CSNK1G3: variants seen among roughly 807,000 people sequenced by gnomAD.
CSNK1G3 encodes the protein casein kinase I isoform gamma-3.
A neutral mutation model predicts 64.3 loss-of-function variants in CSNK1G3; 23 were observed. The ratio of observed to expected loss-of-function variants is 0.36; its 90% CI spans 0.26 to 0.51. The LOEUF is 0.51. Among genes scored for constraint, CSNK1G3 ranks in the 20% least tolerant of loss-of-function variants. The pLI is 0.96. For missense variants in CSNK1G3, 357 were observed against 510.5 expected, an observed-to-expected ratio of 0.70 and a Z score of 2.90; for synonymous variants, 158 against 162.2, an observed-to-expected ratio of 0.97 and a Z score of 0.20.
chr5:123,591,235 C>T lies in CSNK1G3; in HGVS notation c.991-84C>T. ...TTATTTAACAGTCTTTTGTTTTTTT[C>T]CTTAATTCTTTTAAGCAGCTAAATG... On this transcript the variant is annotated intron_variant, in intron 9 of 12. Transcript: ENST00000345990. The T allele has an allele frequency of 6.8e-6, 5 of 735,470 alleles. No individual in the cohort carries two copies. In the East Asian group the frequency reaches 1.3e-4, roughly 19 times the overall value. The allele number at this position is 735,470 out of a possible 1,614,324, so 45.6% of individuals were successfully genotyped here. A position where few individuals can be genotyped will look rare whatever the true frequency, so the allele number is the denominator to read the frequency against.
intron 4 of CSNK1G3, among the ~76,000 whole-genome samples, chr5:123,568,871 A>G (rs1022395183): frequency 2.0e-5 from 3 of 152,230 alleles, no homozygotes; most frequent in East Asian, 1.9e-4. Context: ...CATCATTTCC[A>G]TAGTCTAAAG....
rs1006197750 is a variant in CSNK1G3 at position 123,512,991 on chromosome 5, T to C, written c.-248+421T>C. ...CTTGACTGTGTCCAGACAATTACCT[T>C]TGGAGTAGGGGCTTCAGGCAGGAAG... On this transcript the variant is annotated intron_variant, in intron 1 of 12. Transcript: ENST00000345990. 2.0e-5 allele frequency among the ~76,000 whole-genome samples: 3 copies of C among 151,594 alleles called. No individual in the cohort carries two copies. The South Asian group carries it at 6.3e-4, about 32-fold the overall frequency.
At position 123,605,266 on chromosome 5, in the gene CSNK1G3, T is replaced by A. The variant is rs1795154930; in HGVS notation, c.1194-73T>A. 1.9e-5 allele frequency: 26 copies of A among 1,343,086 alleles called. No individual in the cohort carries two copies. The South Asian group carries it at 3.3e-4, about 17-fold the overall frequency. The allele number at this position is 1,343,086 out of a possible 1,614,324, so 83.2% of individuals were successfully genotyped here. A position where few individuals can be genotyped will look rare whatever the true frequency, so the allele number is the denominator to read the frequency against. ...AAGCATGAAAAACAATGTGATAATT[T>A]CAATGTGAGCTGTTTCTGATTCTCT... On this transcript the variant is annotated intron_variant, in intron 11 of 12. Transcript: ENST00000345990.
chr5:123,537,104 A>G (rs369732948), intron 1 of CSNK1G3, among the ~76,000 whole-genome samples: 1 of 152,336 alleles, frequency 6.6e-6, no homozygotes, highest in South Asian at 2.1e-4. Flanking sequence ...CCAAAGGAAG[A>G]GAAATCCACA....
chr5:123,531,739 A>T (rs1453363525), intron 1 of CSNK1G3, among the ~76,000 whole-genome samples: 2 of 151,992 alleles, frequency 1.3e-5, no homozygotes, highest in East Asian at 3.8e-4. Flanking sequence ...TTATTCACAC[A>T]TGTAGTTTTA....
At chr5:123,587,533 G>T (rs1026770875) in intron 6 of CSNK1G3, among the ~76,000 whole-genome samples, 1 of 152,120 alleles carries the variant, frequency 6.6e-6, no homozygotes, top group Non-Finnish European at 1.5e-5. Flanking sequence ...TAGTGAAGGG[G>T]TTATTAATGT....
chr5:123,514,922 G>C (rs1776875989), intron 1 of CSNK1G3, among the ~76,000 whole-genome samples: 1 of 152,160 alleles, frequency 6.6e-6, no homozygotes, highest in Non-Finnish European at 1.5e-5. Context: ...CAAATGTACA[G>C]ATCGTAGGCT....
At chr5:123,520,278 A>C (rs1777876569) in intron 1 of CSNK1G3, among the ~76,000 whole-genome samples, 1 of 152,184 alleles carries the variant, frequency 6.6e-6, no homozygotes, top group East Asian at 1.9e-4. Context: ...ACATGTATAC[A>C]TAGATACATA....
chr5:123,534,186 A>T (rs985658344), intron 1 of CSNK1G3, among the ~76,000 whole-genome samples: 1 of 152,130 alleles, frequency 6.6e-6, no homozygotes, highest in African/African-American at 2.4e-5. Context: ...ATAAAACTGC[A>T]TATTATATAA....
intron 10 of CSNK1G3, among the ~76,000 whole-genome samples, chr5:123,596,135 C>T (rs1480358633): frequency 1.3e-5 from 2 of 151,442 alleles, no homozygotes; most frequent in Admixed American, 6.6e-5. Context: ...TCTTATGAGC[C>T]CTCACGTTTT....
At chr5:123,573,675 A>C in intron 5 of CSNK1G3, 134 bp downstream of exon 5, 1 of 672,550 alleles carries the variant, frequency 1.5e-6, no homozygotes, top group South Asian at 3.0e-5. Flanking sequence ...TCTACTTTTC[A>C]TGTTGTCTTT....
At chr5:123,567,229 T>C (rs747960128) in intron 4 of CSNK1G3, among the ~76,000 whole-genome samples, 5 of 152,128 alleles carry the variant, frequency 3.3e-5, no homozygotes, top group Non-Finnish European at 5.9e-5. Context: ...CCACAACATG[T>C]GGAATTGTGG....
intron 12 of CSNK1G3, among the ~76,000 whole-genome samples, chr5:123,610,978 GATA>G (rs1294964547): frequency 6.6e-6 from 1 of 152,146 alleles, no homozygotes; most frequent in Admixed American, 6.6e-5. Context: ...TGCAAAGGCA[GATA>G]ATAAATAAAT....
intron 1 of CSNK1G3, among the ~76,000 whole-genome samples, chr5:123,539,656 T>C: frequency 6.6e-6 from 1 of 152,298 alleles, no homozygotes; most frequent in East Asian, 1.9e-4. Flanking sequence ...TCGAATTGTT[T>C]TTGTCAGGCT....
chr5:123,594,807 C>T (rs1359417840), intron 10 of CSNK1G3, among the ~76,000 whole-genome samples: 1 of 152,006 alleles, frequency 6.6e-6, no homozygotes, highest in Non-Finnish European at 1.5e-5. Flanking sequence ...ATTTTTACTT[C>T]TAAAATTTTA....
chr5:123,546,052 G>A, intron 2 of CSNK1G3: 1 of 480,484 alleles, frequency 2.1e-6, no homozygotes, highest in South Asian at 3.5e-5. Context: ...GCCATCCAGA[G>A]ATTGACTATC....
intron 3 of CSNK1G3, among the ~76,000 whole-genome samples, chr5:123,554,496 G>A (rs1030656153): frequency 4.6e-5 from 7 of 152,132 alleles, no homozygotes; most frequent in African/African-American, 1.7e-4. Flanking sequence ...AAATTTCAAG[G>A]TCCCCTCATG....
At chr5:123,550,562 T>A (rs949112388) in intron 2 of CSNK1G3, among the ~76,000 whole-genome samples, 10 of 152,226 alleles carry the variant, frequency 6.6e-5, no homozygotes, top group Non-Finnish European at 1.2e-4. Context: ...GCTGTAAACA[T>A]ATATGTGTAG....
intron 1 of CSNK1G3, among the ~76,000 whole-genome samples, chr5:123,516,788 C>T (rs1382186922): frequency 6.6e-6 from 1 of 152,144 alleles, no homozygotes; most frequent in Non-Finnish European, 1.5e-5. Context: ...GAGATGGTCT[C>T]ATGATACTCT....
Sources: gnomAD v4.1 joint callset for allele counts (sites outside exome capture counted in the v4.1 genomes callset) on GRCh38, gnomAD v4.1.1 for gene constraint, MANE v1.5 for transcripts, NCBI Gene and HGNC (gene_info 2026-07-23, HGNC 2026-07-21) for gene names.